The following GNA14 variants were observed in gnomAD, a reference collection of about 807,000 sequenced individuals.
GNA14 encodes the protein guanine nucleotide-binding protein subunit alpha-14.
A neutral mutation model predicts 42.0 loss-of-function variants in GNA14; 50 were observed. The observed-to-expected ratio is 1.19, with a 90% CI of 0.95 to 1.51. The LOEUF (loss-of-function observed/expected upper bound fraction) is 1.51, where lower values mean the gene tolerates loss of function less well. Among genes scored for constraint, GNA14 ranks in the 40% most tolerant of loss-of-function variants. The pLI is 0.00. For synonymous variants in GNA14, 173 were observed against 163.1 expected, an observed-to-expected ratio of 1.06 and a Z score of -0.46; for missense variants, 473 against 446.2, an observed-to-expected ratio of 1.06 and a Z score of -0.54.
At chr9:77,640,614 C>T (rs376844893) in intron 1 of GNA14, among the ~76,000 whole-genome samples, 7 of 152,178 alleles carry the variant, frequency 4.6e-5, no homozygotes, top group South Asian at 4.2e-4. Context: ...TTATTAAAGC[C>T]TCAAAAATTT....
At chr9:77,572,828 G>C (rs143033497) in intron 1 of GNA14, among the ~76,000 whole-genome samples, 156 of 152,186 alleles carry the variant, frequency 1.0e-3, no homozygotes, top group East Asian at 7.1e-3. Context: ...TGAATGCTTT[G>C]GGGTTATAGT....
At chr9:77,636,638 G>GT (rs1824188217) in intron 1 of GNA14, among the ~76,000 whole-genome samples, 1 of 144,080 alleles carries the variant, frequency 6.9e-6, no homozygotes, top group Non-Finnish European at 1.5e-5. Context: ...AGATAATGTG[G>GT]TAAGAGAGGA....
intron 2 of GNA14, among the ~76,000 whole-genome samples, chr9:77,472,115 G>A (rs994362): frequency 0.59 from 89,598 of 151,126 alleles, 27,387 homozygotes; most frequent in East Asian, 0.82. Context: ...ATACAGCTTT[G>A]CACCAGCTCT....
At chr9:77,551,215 A>G (rs7021975) in intron 1 of GNA14, among the ~76,000 whole-genome samples, 4,299 of 152,230 alleles carry the variant, frequency 0.028, 209 homozygotes, top group African/African-American at 0.097. Flanking sequence ...GCTTTGACAC[A>G]GTTTGATATA....
chr9:77,434,238 G>A (rs1253025891), intron 3 of GNA14, 130 bp downstream of exon 3: 1 of 806,034 alleles, frequency 1.2e-6, no homozygotes. Context: ...GGAGGGATAT[G>A]GGAAAGCAAA....
chr9:77,425,627 T>A lies in GNA14; in HGVS notation c.812A>T (p.Lys271Met). 1 of 1,608,866 alleles carries A rather than the reference T, an allele frequency of 6.2e-7. No individual in the cohort carries two copies. Among genetic ancestry groups the A allele is most frequent in the Non-Finnish European group, 8.5e-7 (1 of 1,175,366 alleles). ...LNSSVILFLN[K>M]KDLLEEKIMY... is the part of the protein sequence containing the mutation. Reference sequence around the variant, plus strand: ...GATTTTCTCTTCCAAAAGATCCTTCTTGTTCAAGAATAAAATCACAGACGA... The same window carrying A: ...GATTTTCTCTTCCAAAAGATCCTTCATGTTCAAGAATAAAATCACAGACGA... Residue 271 changes from lysine to methionine, a missense_variant, in exon 6 of 7, where the codon AAG becomes ATG. By Grantham distance (95) the Lys-to-Met change is moderately conservative. Coordinates refer to ENST00000341700, the MANE Select transcript of GNA14 (RefSeq NM_004297.4).
intron 1 of GNA14, among the ~76,000 whole-genome samples, chr9:77,625,498 A>G (rs1823999740): frequency 6.6e-6 from 1 of 152,210 alleles, no homozygotes; most frequent in Admixed American, 6.5e-5. Flanking sequence ...AGGTCGGGTT[A>G]CCCACAAAGG....
At chr9:77,621,921 C>T (rs951128931) in intron 1 of GNA14, among the ~76,000 whole-genome samples, 3 of 152,088 alleles carry the variant, frequency 2.0e-5, no homozygotes, top group South Asian at 2.1e-4. Flanking sequence ...TCATATTGTT[C>T]GTTAATTCAT....
intron 1 of GNA14, among the ~76,000 whole-genome samples, chr9:77,629,974 ATAT>A (rs893498472): frequency 6.6e-6 from 1 of 152,204 alleles, no homozygotes; most frequent in African/African-American, 2.4e-5. Flanking sequence ...TTTAAATCTG[ATAT>A]TAAATAATCT....
intron 2 of GNA14, among the ~76,000 whole-genome samples, chr9:77,507,421 C>G (rs1044198056): frequency 6.6e-6 from 1 of 152,076 alleles, no homozygotes; most frequent in African/African-American, 2.4e-5. Flanking sequence ...ATAAATCAAT[C>G]AATCCTCATT....
At chr9:77,441,499 A>G (rs1465274935) in intron 2 of GNA14, among the ~76,000 whole-genome samples, 1 of 152,354 alleles carries the variant, frequency 6.6e-6, no homozygotes, top group East Asian at 1.9e-4. Context: ...CAATGTGAGA[A>G]CGGACTAATA....
intron 2 of GNA14, among the ~76,000 whole-genome samples, chr9:77,452,566 GT>G (rs376892038): frequency 2.4e-3 from 23 of 9,710 alleles, no homozygotes; most frequent in South Asian, 0.013. Context: ...GTGTGTGTGT[GT>G]GTGTATGTGC....
chr9:77,487,405 A>C (rs1836679879), intron 2 of GNA14, among the ~76,000 whole-genome samples: 1 of 152,248 alleles, frequency 6.6e-6, no homozygotes, highest in Non-Finnish European at 1.5e-5. Context: ...AAAATAAAAA[A>C]GTAAGCAGTT....
intron 3 of GNA14, among the ~76,000 whole-genome samples, chr9:77,433,011 T>G (rs577082888): frequency 6.6e-6 from 1 of 152,386 alleles, no homozygotes; most frequent in South Asian, 2.1e-4. Flanking sequence ...CTTTTTTGCA[T>G]CTAAACATTC....
intron 1 of GNA14, among the ~76,000 whole-genome samples, chr9:77,631,097 T>C (rs1824092226): frequency 6.6e-6 from 1 of 152,222 alleles, no homozygotes; most frequent in South Asian, 2.1e-4. Context: ...TAATCATTTA[T>C]AGTTCAAGGC....
At chr9:77,611,710 A>G (rs778749237) in intron 1 of GNA14, among the ~76,000 whole-genome samples, 6 of 152,304 alleles carry the variant, frequency 3.9e-5, no homozygotes, top group South Asian at 2.1e-4. Flanking sequence ...GAAAGAAGCA[A>G]AGCCAAGGCA....
intron 2 of GNA14, among the ~76,000 whole-genome samples, chr9:77,467,358 A>C (rs1394039814): frequency 1.3e-5 from 2 of 151,854 alleles, no homozygotes; most frequent in Admixed American, 1.3e-4. Context: ...TGTGGCTTGG[A>C]GAATGCTTTC....
At chr9:77,440,046 T>C (rs1170114492) in intron 2 of GNA14, among the ~76,000 whole-genome samples, 1 of 152,138 alleles carries the variant, frequency 6.6e-6, no homozygotes, top group East Asian at 1.9e-4. Flanking sequence ...TTGAAAAAAA[T>C]ATCACTCTCA....
At chr9:77,480,354 T>C (rs916497645) in intron 2 of GNA14, among the ~76,000 whole-genome samples, 5 of 152,244 alleles carry the variant, frequency 3.3e-5, no homozygotes, top group Non-Finnish European at 7.3e-5. Context: ...GGATTATGTT[T>C]ATTGATTTGC....
Sources: gnomAD v4.1 joint callset for allele counts (sites outside exome capture counted in the v4.1 genomes callset) on GRCh38, gnomAD v4.1.1 for gene constraint, MANE v1.5 for transcripts, NCBI Gene and HGNC (gene_info 2026-07-23, HGNC 2026-07-21) for gene names.